The following ZDHHC14 variants were observed in gnomAD, a reference collection of about 807,000 sequenced individuals.
The protein encoded by ZDHHC14 is palmitoyltransferase ZDHHC14.
ZDHHC14 carries 16 observed loss-of-function variants against 47.7 expected under a neutral mutation model. The ratio of observed to expected loss-of-function variants is 0.34; its 90% CI spans 0.23 to 0.51. ZDHHC14 has a LOEUF of 0.51. ZDHHC14 is among the 20% of genes least tolerant of loss of function. The pLI is 0.97. For missense variants in ZDHHC14, 515 were observed against 662.5 expected, an observed-to-expected ratio of 0.78 and a Z score of 2.44; for synonymous variants, 293 against 278.9, an observed-to-expected ratio of 1.05 and a Z score of -0.50.
At chr6:157,610,538 A>G (rs547407285) in intron 3 of ZDHHC14, among the ~76,000 whole-genome samples, 136 of 152,294 alleles carry the variant, frequency 8.9e-4, no homozygotes, top group African/African-American at 2.7e-3. Context: ...TCCACATTTC[A>G]GGTTCCTGTC....
chr6:157,485,547 G>A (rs950672686), intron 1 of ZDHHC14, among the ~76,000 whole-genome samples: 1 of 152,018 alleles, frequency 6.6e-6, no homozygotes, highest in Non-Finnish European at 1.5e-5. Context: ...TTTTCTCCCT[G>A]TCCCACTTTT....
intron 5 of ZDHHC14, among the ~76,000 whole-genome samples, chr6:157,645,115 C>T (rs564629970): frequency 6.6e-6 from 1 of 152,044 alleles, no homozygotes; most frequent in Non-Finnish European, 1.5e-5. Flanking sequence ...TAAAAATACC[C>T]CTCACCCTGA....
chr6:157,607,852 AT>A (rs1338377793), intron 3 of ZDHHC14, among the ~76,000 whole-genome samples: 1 of 152,192 alleles, frequency 6.6e-6, no homozygotes, highest in Non-Finnish European at 1.5e-5. Context: ...TGAAGCAGCG[AT>A]TCTTTCCAAG....
chr6:157,549,555 A>G (rs886562464), intron 2 of ZDHHC14, among the ~76,000 whole-genome samples: 4 of 152,120 alleles, frequency 2.6e-5, no homozygotes, highest in Non-Finnish European at 4.4e-5. Flanking sequence ...TGCCAGAACC[A>G]TCTAGAGTGC....
chr6:157,397,352 C>G (rs948449837), intron 1 of ZDHHC14, among the ~76,000 whole-genome samples: 3 of 152,218 alleles, frequency 2.0e-5, no homozygotes. Context: ...GAAGTCTAGT[C>G]TAATCCTGCT....
intron 1 of ZDHHC14, among the ~76,000 whole-genome samples, chr6:157,522,830 T>G (rs1582883391): frequency 2.7e-5 from 1 of 36,676 alleles, no homozygotes; most frequent in Admixed American, 3.8e-4. Flanking sequence ...CCTCCCTCCC[T>G]CCCTCCCTTC....
intron 2 of ZDHHC14, among the ~76,000 whole-genome samples, chr6:157,557,862 C>T (rs1274501517): frequency 6.6e-6 from 1 of 152,212 alleles, no homozygotes; most frequent in East Asian, 1.9e-4. Flanking sequence ...CTCTCACTTC[C>T]GTCACCCTTA....
At chr6:157,585,439 C>G (rs2114879780) in intron 2 of ZDHHC14, among the ~76,000 whole-genome samples, 1 of 149,396 alleles carries the variant, frequency 6.7e-6, no homozygotes, top group East Asian at 2.0e-4. Flanking sequence ...AACCCAAAAC[C>G]AGAAAAATTG....
intron 8 of ZDHHC14, among the ~76,000 whole-genome samples, chr6:157,667,556 C>T (rs192274985): frequency 6.7e-6 from 1 of 148,598 alleles, no homozygotes; most frequent in Non-Finnish European, 1.5e-5. Context: ...GTCCAGAGAG[C>T]AAGAAAGTTA....
intron 1 of ZDHHC14, among the ~76,000 whole-genome samples, chr6:157,424,078 G>T (rs560986513): frequency 6.6e-6 from 1 of 152,158 alleles, no homozygotes; most frequent in Non-Finnish European, 1.5e-5. Flanking sequence ...CAGTCTGTTC[G>T]CACCCAAACC....
intron 1 of ZDHHC14, among the ~76,000 whole-genome samples, chr6:157,425,762 A>G (rs1778205864): frequency 6.6e-6 from 1 of 152,166 alleles, no homozygotes; most frequent in Non-Finnish European, 1.5e-5. Flanking sequence ...TTTCCCCTGC[A>G]GCCTCATCTG....
chr6:157,570,740 T>C (rs888675966), intron 2 of ZDHHC14, among the ~76,000 whole-genome samples: 1 of 149,886 alleles, frequency 6.7e-6, no homozygotes, highest in African/African-American at 2.5e-5. Context: ...TAGTGATATA[T>C]ATATGTATAT....
At chr6:157,630,302 C>G (rs1223782832) in intron 4 of ZDHHC14, 1 of 152,148 alleles carries the variant, frequency 6.6e-6, no homozygotes. Context: ...TTTTATATCA[C>G]CTTTCACAAC....
intron 1 of ZDHHC14, among the ~76,000 whole-genome samples, chr6:157,395,551 TTTG>T (rs1777504554): frequency 6.6e-6 from 1 of 152,078 alleles, no homozygotes; most frequent in South Asian, 2.1e-4. Context: ...ATCCTAGCAC[TTTG>T]GGAGGCCAAG....
chr6:157,635,481 A>G (rs1010284970), intron 5 of ZDHHC14, among the ~76,000 whole-genome samples: 17 of 152,210 alleles, frequency 1.1e-4, no homozygotes, highest in Non-Finnish European at 2.4e-4. Context: ...TTGTGTCTCA[A>G]TTTTTTGACC....
chr6:157,430,096 C>G (rs1005594555), intron 1 of ZDHHC14, among the ~76,000 whole-genome samples: 1 of 152,032 alleles, frequency 6.6e-6, no homozygotes, highest in Non-Finnish European at 1.5e-5. Context: ...GCAGGCAGAT[C>G]ACGAGGTCAA....
At chr6:157,618,320 A>G (rs1034092594) in intron 3 of ZDHHC14, among the ~76,000 whole-genome samples, 1 of 151,290 alleles carries the variant, frequency 6.6e-6, no homozygotes, top group Non-Finnish European at 1.5e-5. Context: ...TTGAACTCAC[A>G]TGACTGATTT....
At chr6:157,410,431 GA>G in intron 1 of ZDHHC14, among the ~76,000 whole-genome samples, 1 of 152,298 alleles carries the variant, frequency 6.6e-6, no homozygotes. Flanking sequence ...GATTCTGAAT[GA>G]AAAAGTAAGA....
chr6:157,517,076 C>T (rs1562457654), intron 1 of ZDHHC14, among the ~76,000 whole-genome samples: 2 of 152,158 alleles, frequency 1.3e-5, no homozygotes, highest in Admixed American at 6.5e-5. Context: ...CAGACATCTC[C>T]GAGCACTTTC....
Sources: gnomAD v4.1 joint callset for allele counts (sites outside exome capture counted in the v4.1 genomes callset) on GRCh38, gnomAD v4.1.1 for gene constraint, MANE v1.5 for transcripts, NCBI Gene and HGNC (gene_info 2026-07-23, HGNC 2026-07-21) for gene names.